DIPK1A: variants seen among roughly 807,000 people sequenced by gnomAD.
The protein encoded by DIPK1A is family with sequence similarity 69 member A.
A neutral mutation model predicts 40.8 loss-of-function variants in DIPK1A; 27 were observed. That is an observed-to-expected ratio of 0.66 (90% CI 0.49 to 0.91). The LOEUF is 0.91. DIPK1A is among the 40% of genes least tolerant of loss of function. The pLI, the probability that DIPK1A is intolerant of heterozygous loss-of-function variation, is 0.00. For missense variants in DIPK1A, 412 were observed against 505.7 expected, an observed-to-expected ratio of 0.81 and a Z score of 1.78; for synonymous variants, 166 against 171.3, an observed-to-expected ratio of 0.97 and a Z score of 0.24.
chr1:92,833,006 A>C, exon 5 of DIPK1A: 1 of 740,160 alleles, frequency 1.4e-6, no homozygotes, highest in Non-Finnish European at 2.5e-6. Flanking sequence ...GTGCTTCGCA[A>C]AAGTTTGGCA....
intron 2 of DIPK1A, among the ~76,000 whole-genome samples, chr1:92,869,653 G>A (rs756338351): frequency 2.6e-5 from 4 of 151,938 alleles, no homozygotes; most frequent in Non-Finnish European, 4.4e-5. Flanking sequence ...GATTTTGAAC[G>A]GAATCTGTTC....
chr1:92,913,618 G>A (rs1366154538), intron 1 of DIPK1A, among the ~76,000 whole-genome samples: 1 of 152,168 alleles, frequency 6.6e-6, no homozygotes, highest in Non-Finnish European at 1.5e-5. Context: ...TCCATGAGCT[G>A]TAACTGAATT....
intron 1 of DIPK1A, among the ~76,000 whole-genome samples, chr1:92,890,570 G>A (rs1648817905): frequency 2.0e-5 from 3 of 152,106 alleles, no homozygotes; most frequent in South Asian, 2.1e-4. Flanking sequence ...TTATTAAAAT[G>A]ACCATAAGGT....
chr1:92,950,325 G>A (rs1651574870), intron 1 of DIPK1A, among the ~76,000 whole-genome samples: 1 of 152,174 alleles, frequency 6.6e-6, no homozygotes, highest in African/African-American at 2.4e-5. Context: ...AGCAAATGGT[G>A]CACAAGGTGG....
At chr1:92,836,404 A>G (rs1195908437) in intron 4 of DIPK1A, 1 of 1,612,280 alleles carries the variant, frequency 6.2e-7, no homozygotes, top group Non-Finnish European at 8.5e-7. Context: ...TAAGAATACT[A>G]TTTAAGACCT....
intron 1 of DIPK1A, among the ~76,000 whole-genome samples, chr1:92,937,266 G>C (rs11578986): frequency 6.6e-6 from 1 of 151,714 alleles, no homozygotes; most frequent in African/African-American, 2.4e-5. Flanking sequence ...TTTGAGACCA[G>C]CCTGGCCAAC....
chr1:92,931,289 G>T, intron 1 of DIPK1A: 1 of 192,474 alleles, frequency 5.2e-6, no homozygotes. Context: ...AAAGAAATGA[G>T]CTGGCCCCTC....
intron 1 of DIPK1A, among the ~76,000 whole-genome samples, chr1:92,923,065 A>T (rs549324188): frequency 1.3e-5 from 2 of 152,142 alleles, no homozygotes; most frequent in Admixed American, 1.3e-4. Context: ...TGTCCAGTTT[A>T]CCTGTAGCTT....
chr1:92,840,338 T>G (rs1687304569), downstream of DIPK1A: 4 of 509,184 alleles, frequency 7.9e-6, no homozygotes, highest in Admixed American at 1.3e-4. Context: ...TAAGATGGAG[T>G]TCTGTAGTGA....
chr1:92,858,679 A>G (rs967649512), intron 2 of DIPK1A, among the ~76,000 whole-genome samples: 1 of 152,220 alleles, frequency 6.6e-6, no homozygotes, highest in African/African-American at 2.4e-5. Flanking sequence ...TAGTTCTAAG[A>G]AAAAATCTCA....
At chr1:92,887,514 T>G (rs1371466214) in intron 1 of DIPK1A, among the ~76,000 whole-genome samples, 1 of 152,012 alleles carries the variant, frequency 6.6e-6, no homozygotes, top group East Asian at 1.9e-4. Flanking sequence ...GTAAAACAGA[T>G]CCCTACTAGT....
chr1:92,942,966 T>C lies in DIPK1A; in HGVS notation c.54+18410A>G, dbSNP rs1483922720. ...GCCTGGGCCACTGCGCCCAGCTAAT[T>C]TGTTAATTATGTAATGCTTAAATAG... On this transcript the variant is annotated intron_variant, in intron 1 of 4. Coordinates refer to ENST00000370310, the MANE Select transcript of DIPK1A (RefSeq NM_001006605.5). Among the ~76,000 whole-genome samples, 23 of 152,174 alleles carry C rather than the reference T, an allele frequency of 1.5e-4. 1 individual carries two copies. Among genetic ancestry groups the C allele is most frequent in the Admixed American group, 1.5e-3 (23 of 15,278 alleles).
intron 1 of DIPK1A, among the ~76,000 whole-genome samples, chr1:92,925,273 T>C (rs996095488): frequency 1.3e-5 from 2 of 152,204 alleles, no homozygotes; most frequent in Non-Finnish European, 2.9e-5. Flanking sequence ...TTTACTAGAT[T>C]TTAGTATCTG....
At chr1:92,895,688 C>T (rs1486885741) in intron 1 of DIPK1A, among the ~76,000 whole-genome samples, 4 of 151,930 alleles carry the variant, frequency 2.6e-5, no homozygotes, top group Non-Finnish European at 5.9e-5. Flanking sequence ...AAAGGGTATT[C>T]GATTAGGAAA....
At chr1:92,860,646 A>AAAAAAAAAAGAGCCAGGTG (rs148916481) in intron 2 of DIPK1A, among the ~76,000 whole-genome samples, 1 of 105,212 alleles carries the variant, frequency 9.5e-6, no homozygotes, top group Admixed American at 1.2e-4. Context: ...AAAAAAAAAA[A>AAAAAAAAAAGAGCCAGGTG]TGGTGGTGTG....
At chr1:92,947,483 T>C (rs994881697) in intron 1 of DIPK1A, among the ~76,000 whole-genome samples, 5 of 152,212 alleles carry the variant, frequency 3.3e-5, no homozygotes, top group African/African-American at 1.2e-4. Flanking sequence ...GGAACTCTTA[T>C]ACACAGTTGG....
intron 1 of DIPK1A, among the ~76,000 whole-genome samples, chr1:92,892,632 T>C (rs576714491): frequency 2.6e-5 from 4 of 151,958 alleles, no homozygotes; most frequent in Non-Finnish European, 5.9e-5. Context: ...TCACCAGCAA[T>C]GGAACAAAGC....
chr1:92,876,454 G>A (rs759143304), intron 1 of DIPK1A, 24 bp from the exon 2 acceptor site: 3 of 1,609,568 alleles, frequency 1.9e-6, no homozygotes, highest in African/African-American at 1.3e-5. Context: ...AGAACATAAC[G>A]ATCATTCATT....
chr1:92,833,575 G>T, intron 4 of DIPK1A: 6 of 1,613,498 alleles, frequency 3.7e-6, no homozygotes, highest in South Asian at 1.1e-5. Flanking sequence ...GCTCGGAAAC[G>T]CTTGGTGATA....
Sources: gnomAD v4.1 joint callset for allele counts (sites outside exome capture counted in the v4.1 genomes callset) on GRCh38, gnomAD v4.1.1 for gene constraint, MANE v1.5 for transcripts, NCBI Gene and HGNC (gene_info 2026-07-23, HGNC 2026-07-21) for gene names.